PRKD1: variants seen among roughly 807,000 people sequenced by gnomAD.
The protein encoded by PRKD1 is protein kinase D1.
PRKD1 carries 63 observed loss-of-function variants against 95.9 expected under a neutral mutation model. The ratio of observed to expected loss-of-function variants is 0.66; its 90% CI spans 0.54 to 0.81. The LOEUF (loss-of-function observed/expected upper bound fraction) is 0.81. Ranked by LOEUF, PRKD1 falls within the 30% of genes least tolerant of loss-of-function variation. PRKD1 has a pLI of 0.00. For synonymous variants in PRKD1, 425 were observed against 423.1 expected (o/e 1.00, Z -0.05); for missense variants, 1,048 against 1,165.3 (o/e 0.90, Z 1.47).
At chr14:29,618,518 C>G (rs533816434) in intron 13 of PRKD1, among the ~76,000 whole-genome samples, 1 of 152,130 alleles carries the variant, frequency 6.6e-6, no homozygotes, top group Non-Finnish European at 1.5e-5. Context: ...AGCCACACAA[C>G]GTGCTGGGAT....
At chr14:29,736,058 T>C (rs1414637705) in intron 1 of PRKD1, among the ~76,000 whole-genome samples, 2 of 152,102 alleles carry the variant, frequency 1.3e-5, no homozygotes, top group South Asian at 2.1e-4. Context: ...TTCTCTCTCC[T>C]ATATCCATCT....
intron 1 of PRKD1, among the ~76,000 whole-genome samples, chr14:29,798,439 G>A (rs1040061392): frequency 3.3e-5 from 5 of 152,178 alleles, no homozygotes; most frequent in Non-Finnish European, 5.9e-5. Context: ...ATCTTGATGA[G>A]TGAGCCTTTC....
intron 1 of PRKD1, among the ~76,000 whole-genome samples, chr14:29,827,851 T>C (rs543197339): frequency 6.6e-6 from 1 of 152,312 alleles, no homozygotes; most frequent in East Asian, 1.9e-4. Flanking sequence ...ATCATTTCTT[T>C]GACACTCACC....
chr14:29,810,341 T>C (rs1427469377), intron 1 of PRKD1, among the ~76,000 whole-genome samples: 1 of 152,124 alleles, frequency 6.6e-6, no homozygotes, highest in Non-Finnish European at 1.5e-5. Flanking sequence ...CAAAGCACAA[T>C]CAAGTGAACA....
intron 1 of PRKD1, among the ~76,000 whole-genome samples, chr14:29,898,670 G>A (rs1250334589): frequency 1.3e-5 from 2 of 152,138 alleles, no homozygotes; most frequent in Non-Finnish European, 2.9e-5. Context: ...AGAAGCCACT[G>A]TTACTGCTGT....
chr14:29,837,834 C>A (rs45580231), intron 1 of PRKD1, among the ~76,000 whole-genome samples: 3,494 of 152,130 alleles, frequency 0.023, 68 homozygotes, highest in South Asian at 0.11. Context: ...TACTGTATAC[C>A]TATATTTTAG....
At chr14:29,777,767 T>C (rs1370437813) in intron 1 of PRKD1, among the ~76,000 whole-genome samples, 1 of 152,160 alleles carries the variant, frequency 6.6e-6, no homozygotes, top group Middle Eastern at 3.2e-3. Context: ...TATACAGGAA[T>C]TGAACTCAGC....
intron 1 of PRKD1, among the ~76,000 whole-genome samples, chr14:29,752,088 C>A (rs1005994431): frequency 6.6e-6 from 1 of 152,082 alleles, no homozygotes; most frequent in African/African-American, 2.4e-5. Flanking sequence ...CAGAACTACA[C>A]TAATTGATAC....
At chr14:29,697,755 G>A (rs964562821) in intron 2 of PRKD1, among the ~76,000 whole-genome samples, 1 of 152,106 alleles carries the variant, frequency 6.6e-6, no homozygotes, top group Middle Eastern at 3.4e-3. Flanking sequence ...TTCAGCAAAT[G>A]TATTTTTAAC....
At chr14:29,806,489 T>C (rs1450141937) in intron 1 of PRKD1, among the ~76,000 whole-genome samples, 2 of 151,920 alleles carry the variant, frequency 1.3e-5, no homozygotes, top group Admixed American at 6.6e-5. Flanking sequence ...CAATCTGAAA[T>C]ATGTAGTCTG....
At chr14:29,673,606 A>G (rs1399602382) in intron 2 of PRKD1, among the ~76,000 whole-genome samples, 4 of 152,260 alleles carry the variant, frequency 2.6e-5, no homozygotes, top group Admixed American at 2.6e-4. Flanking sequence ...ACACACTGCA[A>G]GACCACAACT....
chr14:29,606,963 G>A (rs76309546), intron 13 of PRKD1, among the ~76,000 whole-genome samples: 4,012 of 152,214 alleles, frequency 0.026, 186 homozygotes, highest in African/African-American at 0.09. Context: ...CTGCCTTCAG[G>A]TGAGTTATCT....
At chr14:29,589,241 G>A (rs561623374) in intron 16 of PRKD1, among the ~76,000 whole-genome samples, 18 of 152,164 alleles carry the variant, frequency 1.2e-4, no homozygotes, top group African/African-American at 3.1e-4. Context: ...TTTCCAATCC[G>A]TCGCTACAGG....
At chr14:29,721,863 G>T (rs984942343) in intron 2 of PRKD1, among the ~76,000 whole-genome samples, 4 of 151,832 alleles carry the variant, frequency 2.6e-5, no homozygotes, top group African/African-American at 9.7e-5. Context: ...TCTTTTCCTG[G>T]CTTACTGCGT....
At chr14:29,803,350 T>A (rs1479821743) in intron 1 of PRKD1, among the ~76,000 whole-genome samples, 3 of 152,186 alleles carry the variant, frequency 2.0e-5, no homozygotes, top group African/African-American at 7.2e-5. Flanking sequence ...ACTATGACCA[T>A]TTTGGGGAAT....
At chr14:29,628,136 A>G (rs567786620) in intron 11 of PRKD1, among the ~76,000 whole-genome samples, 3 of 152,362 alleles carry the variant, frequency 2.0e-5, no homozygotes, top group African/African-American at 7.2e-5. Context: ...TTGACAGCAC[A>G]AGAATTTATC....
chr14:29,672,083 C>G (rs1475114061), intron 2 of PRKD1, among the ~76,000 whole-genome samples: 1 of 152,168 alleles, frequency 6.6e-6, no homozygotes, highest in African/African-American at 2.4e-5. Flanking sequence ...TGGCTCATGC[C>G]TGTAATCCCA....
intron 4 of PRKD1, among the ~76,000 whole-genome samples, chr14:29,654,349 T>C (rs1397263386): frequency 6.6e-6 from 1 of 151,974 alleles, no homozygotes; most frequent in Admixed American, 6.6e-5. Flanking sequence ...TTTTTCTATG[T>C]TTTTAGTAGA....
At chr14:29,927,051 G>A (rs1895326765) in intron 1 of PRKD1, among the ~76,000 whole-genome samples, 198 bp downstream of exon 1, 1 of 152,048 alleles carries the variant, frequency 6.6e-6, no homozygotes, top group Non-Finnish European at 1.5e-5. Context: ...TGGGGCGAGA[G>A]GAGGATGAGC....
Sources: allele counts gnomAD v4.1 joint callset (sites outside exome capture counted in the v4.1 genomes callset), GRCh38; gene constraint gnomAD v4.1.1; transcripts MANE v1.5; gene names NCBI Gene and HGNC (gene_info 2026-07-23, HGNC 2026-07-21).